Variants in HS6ST3 observed in about 807,000 individuals in gnomAD.
HS6ST3 encodes the protein heparan sulfate 6-O-sulfotransferase 3, also known as heparan-sulfate 6-O-sulfotransferase 3.
A neutral mutation model predicts 36.7 loss-of-function variants in HS6ST3; 12 were observed. The observed-to-expected ratio is 0.33, with a 90% CI of 0.21 to 0.53. The LOEUF (loss-of-function observed/expected upper bound fraction) is 0.53, where lower values mean the gene tolerates loss of function less well. Ranked by LOEUF, HS6ST3 falls within the 20% of genes least tolerant of loss-of-function variation. The pLI is 0.95. For synonymous variants in HS6ST3, 240 were observed against 257.5 expected (o/e 0.93, Z 0.65); for missense variants, 584 against 640.9 (o/e 0.91, Z 0.96).
At chr13:96,321,485 C>G (rs2139415105) in intron 1 of HS6ST3, among the ~76,000 whole-genome samples, 1 of 152,264 alleles carries the variant, frequency 6.6e-6, no homozygotes, top group African/African-American at 2.4e-5. Context: ...ATCTTAATTT[C>G]AAGAATCTCA....
At chr13:96,784,161 T>C (rs1381650621) in intron 1 of HS6ST3, among the ~76,000 whole-genome samples, 2 of 151,972 alleles carry the variant, frequency 1.3e-5, no homozygotes, top group Non-Finnish European at 2.9e-5. Flanking sequence ...TATCAATATC[T>C]GCTTTATCTC....
At chr13:96,787,517 C>G (rs1348159483) in intron 1 of HS6ST3, among the ~76,000 whole-genome samples, 2 of 152,002 alleles carry the variant, frequency 1.3e-5, no homozygotes, top group Non-Finnish European at 2.9e-5. Context: ...ATTTGCATTT[C>G]CTTAATGAGT....
chr13:96,355,358 TACACACACACACACAC>T (rs66509801), intron 1 of HS6ST3, among the ~76,000 whole-genome samples: 2,741 of 140,382 alleles, frequency 0.02, 38 homozygotes, highest in African/African-American at 0.023. Flanking sequence ...AGTCTATAGT[TACACACACACACACAC>T]ACACACACAC....
chr13:96,371,762 C>A (rs1263223427), intron 1 of HS6ST3, among the ~76,000 whole-genome samples: 1 of 152,110 alleles, frequency 6.6e-6, no homozygotes, highest in Non-Finnish European at 1.5e-5. Context: ...CTGCCAGGTT[C>A]TTCCATATTG....
At chr13:96,507,785 A>G (rs2056032449) in intron 1 of HS6ST3, among the ~76,000 whole-genome samples, 1 of 152,158 alleles carries the variant, frequency 6.6e-6, no homozygotes, top group Admixed American at 6.6e-5. Flanking sequence ...TTTGGTGAGC[A>G]TCATTCCAGA....
intron 1 of HS6ST3, among the ~76,000 whole-genome samples, chr13:96,235,341 T>C (rs2054529103): frequency 6.6e-6 from 1 of 152,140 alleles, no homozygotes; most frequent in Admixed American, 6.5e-5. Context: ...CCACAAGGAT[T>C]TGAACTAGTC....
intron 1 of HS6ST3, among the ~76,000 whole-genome samples, chr13:96,697,535 T>C (rs1490797679): frequency 6.6e-6 from 1 of 152,044 alleles, no homozygotes; most frequent in Non-Finnish European, 1.5e-5. Context: ...TATAAACACA[T>C]ATAATGAATA....
At chr13:96,576,120 C>T (rs1199242290) in intron 1 of HS6ST3, among the ~76,000 whole-genome samples, 2 of 152,092 alleles carry the variant, frequency 1.3e-5, no homozygotes, top group African/African-American at 2.4e-5. Context: ...AGAAAGAACA[C>T]GTGTACTGTT....
At chr13:96,514,155 C>G (rs1333096413) in intron 1 of HS6ST3, among the ~76,000 whole-genome samples, 1 of 151,952 alleles carries the variant, frequency 6.6e-6, no homozygotes, top group Admixed American at 6.6e-5. Context: ...GGAACAAGAG[C>G]AGAAGAGGGG....
chr13:96,756,142 A>G (rs1401928328), intron 1 of HS6ST3, among the ~76,000 whole-genome samples: 1 of 152,176 alleles, frequency 6.6e-6, no homozygotes, highest in African/African-American at 2.4e-5. Flanking sequence ...CCGATTGAGT[A>G]TCTTCTTTTG....
chr13:96,502,822 A>C (rs1017277223), intron 1 of HS6ST3, among the ~76,000 whole-genome samples: 2 of 152,164 alleles, frequency 1.3e-5, no homozygotes, highest in South Asian at 4.1e-4. Context: ...TAGCCAAGCC[A>C]TATATCTTGA....
intron 1 of HS6ST3, among the ~76,000 whole-genome samples, chr13:96,363,690 TA>T (rs953766098): frequency 6.6e-6 from 1 of 151,676 alleles, no homozygotes; most frequent in Non-Finnish European, 1.5e-5. Context: ...ATCCCAAAGT[TA>T]AAAAAAATGG....
At chr13:96,139,558 A>AG (rs1460179268) in intron 1 of HS6ST3, among the ~76,000 whole-genome samples, 1 of 150,510 alleles carries the variant, frequency 6.6e-6, no homozygotes, top group Non-Finnish European at 1.5e-5. Context: ...AAAAAAAAAA[A>AG]AAAAAAAAAT....
intron 1 of HS6ST3, among the ~76,000 whole-genome samples, chr13:96,335,331 A>G (rs1215464566): frequency 1.3e-5 from 2 of 152,184 alleles, no homozygotes; most frequent in South Asian, 2.1e-4. Context: ...AGGCATTCCA[A>G]GTGATGGTAT....
chr13:96,149,491 A>G lies in HS6ST3; in HGVS notation c.707+57922A>G, dbSNP rs186868792. On this transcript the variant is annotated intron_variant, in intron 1 of 1. Transcript: ENST00000376705. ...GACATGCATTCACAATAAGAATTAT[A>G]GATCCCTCTCAAGTGAGAAAAGCCA... Among the ~76,000 whole-genome samples the G allele has an allele frequency of 4.6e-5, 7 of 152,344 alleles. No homozygotes were observed. The East Asian group carries it at 1.3e-3, about 29-fold the overall frequency.
At chr13:96,120,779 C>T (rs141174956) in intron 1 of HS6ST3, among the ~76,000 whole-genome samples, 18 of 152,200 alleles carry the variant, frequency 1.2e-4, no homozygotes, top group Middle Eastern at 3.4e-3. Flanking sequence ...TTGGCAGAAC[C>T]GTTATCCGCT....
chr13:96,755,148 C>G (rs1408714350), intron 1 of HS6ST3, among the ~76,000 whole-genome samples: 1 of 151,846 alleles, frequency 6.6e-6, no homozygotes, highest in African/African-American at 2.4e-5. Context: ...TTTTTTTGTA[C>G]TCATTTCTGG....
intron 1 of HS6ST3, among the ~76,000 whole-genome samples, chr13:96,521,105 A>G (rs531353911): frequency 2.2e-4 from 34 of 152,216 alleles, no homozygotes; most frequent in Admixed American, 5.2e-4. Flanking sequence ...CTATTGAGAT[A>G]ATCATGTGGT....
intron 1 of HS6ST3, among the ~76,000 whole-genome samples, chr13:96,559,299 A>G (rs2056253241): frequency 6.6e-6 from 1 of 151,910 alleles, no homozygotes; most frequent in Non-Finnish European, 1.5e-5. Flanking sequence ...TTGTATTTTT[A>G]ATAGAGATGA....
Sources: allele counts gnomAD v4.1 joint callset (sites outside exome capture counted in the v4.1 genomes callset), GRCh38; gene constraint gnomAD v4.1.1; transcripts MANE v1.5; gene names NCBI Gene and HGNC (gene_info 2026-07-23, HGNC 2026-07-21).